Variants in HEPHL1 observed in about 807,000 individuals in gnomAD.
The protein encoded by HEPHL1 is ferroxidase HEPHL1.
In HEPHL1, 123 loss-of-function variants were observed where a neutral mutation model predicts 122.0. The observed-to-expected ratio is 1.01, with a 90% CI of 0.87 to 1.17. HEPHL1 has a LOEUF of 1.17. Ranked by LOEUF, HEPHL1 falls within the 50% of genes most tolerant of loss-of-function variation. HEPHL1 has a pLI of 0.00. For synonymous variants in HEPHL1, 527 were observed against 508.9 expected, an observed-to-expected ratio of 1.04 and a Z score of -0.48; for missense variants, 1,452 against 1,430.5, an observed-to-expected ratio of 1.01 and a Z score of -0.24.
At chr11:94,060,132 A>T (rs1413471559) in intron 2 of HEPHL1, among the ~76,000 whole-genome samples, 523 of 28,132 alleles carry the variant, frequency 0.019, 24 homozygotes, top group African/African-American at 0.034. Flanking sequence ...ATATATATAT[A>T]TATATATATA....
intron 2 of HEPHL1, among the ~76,000 whole-genome samples, chr11:94,047,870 C>T (rs995497867): frequency 1.3e-5 from 2 of 152,100 alleles, no homozygotes; most frequent in African/African-American, 4.8e-5. Flanking sequence ...TGTGGTAAAA[C>T]ATATGAACAT....
intron 17 of HEPHL1, among the ~76,000 whole-genome samples, chr11:94,107,374 C>T (rs1388711691): frequency 6.6e-6 from 1 of 151,898 alleles, no homozygotes; most frequent in Non-Finnish European, 1.5e-5. Flanking sequence ...AAATTTAATA[C>T]ACAAAATTAT....
At chr11:94,044,249 C>A (rs182620144) in intron 1 of HEPHL1, among the ~76,000 whole-genome samples, 5 of 152,034 alleles carry the variant, frequency 3.3e-5, no homozygotes, top group Admixed American at 6.5e-5. Flanking sequence ...ACGTCTAGGT[C>A]CCCAGGAAGG....
rs370871949 is a variant in HEPHL1, at chr11:94,112,413, T to C, written c.*519T>C. The C allele has an allele frequency of 3.3e-5, 5 of 152,278 alleles. No homozygotes were observed. The highest frequency in any genetic ancestry group is 1.2e-4 in the African/African-American group (5 of 41,476). The allele number at this position is 152,278 out of a possible 1,614,324, so 9.4% of individuals were successfully genotyped here. ...CAATGTCTAAGTCAGTGTCTGCTGA[T>C]AGAATTAGACCAAATAAATTTTTTG... On this transcript the variant is annotated 3_prime_UTR_variant, in exon 20 of 20. Coordinates refer to ENST00000315765, the MANE Select transcript of HEPHL1 (RefSeq NM_001098672.2).
intron 8 of HEPHL1, among the ~76,000 whole-genome samples, 181 bp from the exon 9 acceptor site, chr11:94,074,993 A>T (rs1354571638): frequency 3.3e-5 from 5 of 152,182 alleles, no homozygotes; most frequent in Non-Finnish European, 5.9e-5. Flanking sequence ...TTAAACTTTT[A>T]TCTCATAAGC....
rs765844566 is a variant in HEPHL1, at chr11:94,106,150, T to C, written c.3045+20T>C. The C allele has an allele frequency of 2.6e-6, 4 of 1,517,864 alleles. No individual in the cohort carries two copies. The Admixed American group carries it at 7.9e-5, about 30-fold the overall frequency. 94.0% of individuals were successfully genotyped at this position (1,517,864 alleles called of 1,614,324 possible). On this transcript the variant is annotated intron_variant, in intron 17 of 19. Transcript: ENST00000315765. ...TTCAAAGTAAGTATAAGGAAAGTGC[T>C]TTGGGAAAGACGTTTTTGAACTAAC...
chr11:94,109,575 A>G lies in HEPHL1; in HGVS notation c.3046-1328A>G, dbSNP rs188473183. Among the ~76,000 whole-genome samples the G allele has an allele frequency of 2.4e-3, 372 of 152,280 alleles. 1 individual carries two copies. The highest frequency in any genetic ancestry group is 3.5e-3 in the Non-Finnish European group (241 of 68,002). Reference sequence around the variant, plus strand: ...ATCAACAAATGTTAAATTCTATCAAATGGTTTTTCTGCATCTATTGAGATG... The same window carrying G: ...ATCAACAAATGTTAAATTCTATCAAGTGGTTTTTCTGCATCTATTGAGATG... On this transcript the variant is annotated intron_variant, in intron 17 of 19. Coordinates refer to ENST00000315765, the MANE Select transcript of HEPHL1 (RefSeq NM_001098672.2).
chr11:94,029,452 A>T (rs1428094322), intron 1 of HEPHL1, among the ~76,000 whole-genome samples: 1 of 152,230 alleles, frequency 6.6e-6, no homozygotes, highest in Admixed American at 6.5e-5. Context: ...TTCTTTGGTT[A>T]GGAGGAAAGA....
intron 2 of HEPHL1, among the ~76,000 whole-genome samples, chr11:94,060,148 A>G (rs1489022275): frequency 1.1e-5 from 1 of 95,208 alleles, no homozygotes; most frequent in East Asian, 3.1e-4. Flanking sequence ...ATATATATAT[A>G]TACACGCACT....
chr11:94,075,226 G>C lies in HEPHL1; in HGVS notation c.1557G>C (p.Lys519Asn), dbSNP rs1161099829. Reference sequence around the variant, plus strand: ...AACCAGGTGAAACCTTCACATACAAGTGGACAGTGCCTGAGAGCGTAAGCC... The same window carrying C: ...AACCAGGTGAAACCTTCACATACAACTGGACAGTGCCTGAGAGCGTAAGCC... ...HVKPGETFTY[K>N]WTVPESVSPT... The change falls in exon 9 of 20, where the codon AAG (lysine) becomes AAC (asparagine). Residue 519 changes from lysine to asparagine, a missense_variant. Coordinates refer to ENST00000315765, the MANE Select transcript of HEPHL1 (RefSeq NM_001098672.2). 1 of 1,613,450 alleles carries C rather than the reference G, an allele frequency of 6.2e-7. No individual in the cohort carries two copies. Among genetic ancestry groups the C allele is most frequent in the South Asian group, 1.1e-5 (1 of 91,044 alleles).
chr11:94,074,273 T>G (rs906420605), intron 8 of HEPHL1, among the ~76,000 whole-genome samples: 2 of 151,994 alleles, frequency 1.3e-5, no homozygotes, highest in Non-Finnish European at 2.9e-5. Flanking sequence ...TCCTCTTTGG[T>G]CAAAATACCA....
At chr11:94,069,914 T>C (rs1023021672) in intron 5 of HEPHL1, among the ~76,000 whole-genome samples, 1 of 152,144 alleles carries the variant, frequency 6.6e-6, no homozygotes, top group Non-Finnish European at 1.5e-5. Context: ...CTACACGAAG[T>C]GTATGAGTAT....
rs1169568349 is a variant in HEPHL1 at position 94,111,880 on chromosome 11, A to G, written c.3466A>G (p.Thr1156Ala). ...YQQVQSCALP[T>A]DAL The stretch of plus-strand genomic sequence containing the variant: ...GCAAGTCCAGTCCTGTGCTCTCCCC[A>G]CGGATGCTCTGTGAACCATCTGGTC... Residue 1156 changes from threonine to alanine, a missense_variant, in exon 20 of 20, where the codon ACG (threonine) becomes GCG (alanine). By Grantham distance (58) the Thr-to-Ala change is moderately conservative. Coordinates refer to ENST00000315765, the MANE Select transcript of HEPHL1 (RefSeq NM_001098672.2). 6.6e-7 allele frequency: 1 copy of G among 1,515,604 alleles called. No individual in the cohort carries two copies. The highest frequency in any genetic ancestry group is 1.4e-5 in the African/African-American group (1 of 71,530). 93.9% of individuals were successfully genotyped at this position (1,515,604 alleles called of 1,614,324 possible). A position where few individuals can be genotyped will look rare whatever the true frequency, so the allele number is the denominator to read the frequency against.
rs772340464 is a variant in HEPHL1 at position 94,063,585 on chromosome 11, G to C, written c.493G>C (p.Val165Leu). The change falls in exon 3 of 20, where the codon GTC becomes CTC. Residue 165 changes from valine to leucine, a missense_variant. Transcript: ENST00000315765. Reference sequence around the variant, plus strand: ...TCCTCCTGGGAAAAACTACACCTACGTCTGGCCGGTGAGAGAAGAATATGC... The same window carrying C: ...TCCTCCTGGGAAAAACTACACCTACCTCTGGCCGGTGAGAGAAGAATATGC... ...MVPPGKNYTYVWPVREEYAPT... is the reference protein window; with the variant it reads ...MVPPGKNYTYLWPVREEYAPT... The C allele has an allele frequency of 4.3e-6, 7 of 1,613,654 alleles. 1 individual carries two copies. The South Asian group carries it at 5.5e-5, about 13-fold the overall frequency.
intron 4 of HEPHL1, among the ~76,000 whole-genome samples, chr11:94,065,979 T>G (rs566149041): frequency 6.6e-5 from 10 of 152,072 alleles, no homozygotes; most frequent in African/African-American, 2.4e-4. Flanking sequence ...AGGCCAGAAG[T>G]TCAAAACCAG....
chr11:94,023,441 G>C (rs1945598158), intron 1 of HEPHL1, among the ~76,000 whole-genome samples: 1 of 152,136 alleles, frequency 6.6e-6, no homozygotes, highest in African/African-American at 2.4e-5. Flanking sequence ...AAATACTCAA[G>C]TACTACAATG....
At position 94,111,014 on chromosome 11, in the gene HEPHL1, G is replaced by C; in HGVS notation, c.3157G>C (p.Asp1053His). 1 of 1,609,166 alleles carries C rather than the reference G, an allele frequency of 6.2e-7. No homozygotes were observed. Among genetic ancestry groups the C allele is most frequent in the South Asian group, 1.1e-5 (1 of 90,004 alleles). Residue 1053 changes from aspartate to histidine, a missense_variant, in exon 18 of 20, where the codon GAC (aspartate) becomes CAC (histidine). Coordinates refer to ENST00000315765, the MANE Select transcript of HEPHL1 (RefSeq NM_001098672.2). ...GTWLLHCHVS[D>H]HIHAGMETTY... ...ATGGCTGCTACACTGTCATGTGTCTGACCACATCCATGCTGGCATGGAGAC... is the reference window on the plus strand; with the variant it reads ...ATGGCTGCTACACTGTCATGTGTCTCACCACATCCATGCTGGCATGGAGAC...
At chr11:94,075,490 T>C (rs1435120647) in intron 9 of HEPHL1, 105 bp downstream of exon 9, 37 of 754,048 alleles carry the variant, frequency 4.9e-5, no homozygotes, top group Non-Finnish European at 7.8e-5. Context: ...GCAATTTGTC[T>C]TTCTTCCTCT....
At chr11:94,035,596 A>C (rs1591462320) in intron 1 of HEPHL1, among the ~76,000 whole-genome samples, 1 of 152,270 alleles carries the variant, frequency 6.6e-6, no homozygotes, top group African/African-American at 2.4e-5. Context: ...TGCACCCATT[A>C]ACTCGTCATT....
Sources: allele counts gnomAD v4.1 joint callset (sites outside exome capture counted in the v4.1 genomes callset), GRCh38; gene constraint gnomAD v4.1.1; transcripts MANE v1.5; gene names NCBI Gene and HGNC (gene_info 2026-07-23, HGNC 2026-07-21).